PLXDC2: variants seen among roughly 807,000 people sequenced by gnomAD.
PLXDC2 encodes plexin domain-containing protein 2.
In PLXDC2, 40 loss-of-function variants were observed where a neutral mutation model predicts 68.9. The ratio of observed to expected loss-of-function variants is 0.58; its 90% CI spans 0.45 to 0.76. The LOEUF (loss-of-function observed/expected upper bound fraction) is 0.76. Among genes scored for constraint, PLXDC2 ranks in the 30% least tolerant of loss-of-function variants. PLXDC2 has a pLI of 0.00. For synonymous variants in PLXDC2, 243 were observed against 234.2 expected (o/e 1.04, Z -0.34); for missense variants, 644 against 661.9 (o/e 0.97, Z 0.30).
At chr10:20,135,919 T>C (rs762869520) in intron 4 of PLXDC2, among the ~76,000 whole-genome samples, 23 of 152,214 alleles carry the variant, frequency 1.5e-4, no homozygotes, top group Non-Finnish European at 2.4e-4. Flanking sequence ...ATAAATATGG[T>C]AACTCTTTGG....
At chr10:19,941,974 G>GA (rs199597958) in intron 1 of PLXDC2, among the ~76,000 whole-genome samples, 14,272 of 111,606 alleles carry the variant, frequency 0.13, 823 homozygotes, top group Admixed American at 0.19. Context: ...GACATTTAGA[G>GA]AAAAAAAAAA....
chr10:20,008,194 T>A (rs1376967332), intron 2 of PLXDC2, among the ~76,000 whole-genome samples: 5 of 152,178 alleles, frequency 3.3e-5, no homozygotes, highest in Non-Finnish European at 7.3e-5. Context: ...CTCTAATAGC[T>A]GATTGCAGCC....
chr10:19,828,385 T>A (rs1483841603), intron 1 of PLXDC2, among the ~76,000 whole-genome samples: 7 of 152,184 alleles, frequency 4.6e-5, no homozygotes, highest in African/African-American at 1.7e-4. Context: ...ACTACAGGCA[T>A]TTGCAAAGGA....
intron 2 of PLXDC2, among the ~76,000 whole-genome samples, chr10:20,006,667 T>C (rs1036190976): frequency 1.3e-5 from 2 of 152,252 alleles, no homozygotes; most frequent in African/African-American, 4.8e-5. Context: ...TCTCTTCACT[T>C]GGTACTTGGT....
At chr10:19,900,064 T>G (rs1379483009) in intron 1 of PLXDC2, among the ~76,000 whole-genome samples, 1 of 152,174 alleles carries the variant, frequency 6.6e-6, no homozygotes, top group African/African-American at 2.4e-5. Flanking sequence ...CCACATTATT[T>G]TTCTATGTCC....
At chr10:19,900,928 C>T (rs183487842) in intron 1 of PLXDC2, among the ~76,000 whole-genome samples, 107 of 151,122 alleles carry the variant, frequency 7.1e-4, no homozygotes, top group African/African-American at 2.4e-3. Context: ...CTGCAAATGC[C>T]ATTATTTCAT....
intron 1 of PLXDC2, among the ~76,000 whole-genome samples, chr10:19,885,435 A>G (rs1209722871): frequency 6.6e-6 from 1 of 152,152 alleles, no homozygotes; most frequent in Non-Finnish European, 1.5e-5. Flanking sequence ...GCCCGTGCCT[A>G]TGTCCTGAAT....
chr10:20,017,072 C>T (rs1236363757), intron 2 of PLXDC2, among the ~76,000 whole-genome samples: 2 of 152,154 alleles, frequency 1.3e-5, no homozygotes, highest in Admixed American at 6.5e-5. Context: ...AGCACACATG[C>T]CTGGAGAAAG....
intron 4 of PLXDC2, among the ~76,000 whole-genome samples, chr10:20,106,268 A>G (rs888019252): frequency 2.0e-5 from 3 of 152,208 alleles, no homozygotes; most frequent in Admixed American, 1.3e-4. Context: ...ATAACAAAAT[A>G]CCAGGTCTCC....
intron 13 of PLXDC2, among the ~76,000 whole-genome samples, chr10:20,278,550 G>T (rs893183144): frequency 6.6e-6 from 1 of 151,992 alleles, no homozygotes; most frequent in Non-Finnish European, 1.5e-5. Flanking sequence ...ATAAATTTAC[G>T]GCATTCTGAC....
chr10:19,833,554 G>A (rs1836735135), intron 1 of PLXDC2, among the ~76,000 whole-genome samples: 1 of 152,228 alleles, frequency 6.6e-6, no homozygotes, highest in Admixed American at 6.5e-5. Flanking sequence ...AAAATGAGAT[G>A]AGGGTCTCAG....
intron 13 of PLXDC2, among the ~76,000 whole-genome samples, chr10:20,248,430 G>A (rs1835629214): frequency 6.6e-6 from 1 of 152,212 alleles, no homozygotes; most frequent in East Asian, 1.9e-4. Flanking sequence ...GTGAGGCTCA[G>A]AAGAGTGGAA....
chr10:20,225,516 GT>G (rs1835274840), intron 12 of PLXDC2, among the ~76,000 whole-genome samples: 1 of 151,974 alleles, frequency 6.6e-6, no homozygotes, highest in African/African-American at 2.4e-5. Flanking sequence ...TTTATGTTTG[GT>G]TTGTTTGACT....
intron 4 of PLXDC2, among the ~76,000 whole-genome samples, chr10:20,111,053 G>C (rs1215364140): frequency 6.6e-6 from 1 of 152,126 alleles, no homozygotes; most frequent in African/African-American, 2.4e-5. Flanking sequence ...CTCCTGCCTA[G>C]TTATACAACA....
intron 13 of PLXDC2, among the ~76,000 whole-genome samples, chr10:20,274,521 A>G (rs997470878): frequency 6.6e-6 from 1 of 152,168 alleles, no homozygotes; most frequent in African/African-American, 2.4e-5. Flanking sequence ...GGGAGACTAG[A>G]GATGAGCTGA....
rs1836143347 is a variant in PLXDC2, at chr10:20,285,611, T to C, written c.*5792T>C. 1 of 152,170 alleles carries C rather than the reference T, an allele frequency of 6.6e-6. No homozygotes were observed. Among genetic ancestry groups the C allele is most frequent in the Non-Finnish European group, 1.5e-5 (1 of 68,022 alleles). 9.4% of individuals were successfully genotyped at this position (152,170 alleles called of 1,614,324 possible). On this transcript the variant is annotated 3_prime_UTR_variant, in exon 14 of 14. Coordinates refer to ENST00000377252, the MANE Select transcript of PLXDC2 (RefSeq NM_032812.9). ...TGAGAAAAAAAGTTACTCAAAATTC[T>C]CCCTGACCTAAGAATACTTTCTAGT... is the stretch of plus-strand genomic sequence containing the variant.
rs1836200316 is a variant in PLXDC2 at position 20,289,328 on chromosome 10, A to G, written c.*9509A>G. The G allele has an allele frequency of 6.6e-6, 1 of 152,222 alleles. No individual in the cohort carries two copies. Among genetic ancestry groups the G allele is most frequent in the South Asian group, 2.1e-4 (1 of 4,834 alleles). The allele number at this position is 152,222 out of a possible 1,614,324, so 9.4% of individuals were successfully genotyped here. A position where few individuals can be genotyped will look rare whatever the true frequency, so the allele number is the denominator to read the frequency against. On this transcript the variant is annotated 3_prime_UTR_variant, in exon 14 of 14. Transcript: ENST00000377252. ...TCCCAGCCACAGTGCCCAAGCGTTC[A>G]AGTCTCCTGGATCAGACAGATGGGA...
intron 1 of PLXDC2, among the ~76,000 whole-genome samples, chr10:19,939,185 A>T (rs532888696): frequency 6.6e-6 from 1 of 152,212 alleles, no homozygotes; most frequent in African/African-American, 2.4e-5. Flanking sequence ...TAATCGATTA[A>T]CACATCTGAA....
intron 2 of PLXDC2, among the ~76,000 whole-genome samples, chr10:20,038,243 TAAAA>T (rs112194238): frequency 2.1e-5 from 3 of 141,090 alleles, no homozygotes; most frequent in African/African-American, 7.8e-5. Context: ...CTCAAAAAAA[TAAAA>T]AAAAAAATTT....
Sources: allele counts gnomAD v4.1 joint callset (sites outside exome capture counted in the v4.1 genomes callset), GRCh38; gene constraint gnomAD v4.1.1; transcripts MANE v1.5; gene names NCBI Gene and HGNC (gene_info 2026-07-23, HGNC 2026-07-21).